Variants in ADGRE2 observed in about 807,000 individuals in gnomAD.
ADGRE2 encodes the protein CD97 antigen.
A neutral mutation model predicts 100.8 loss-of-function variants in ADGRE2; 83 were observed. The ratio of observed to expected loss-of-function variants is 0.82; its 90% CI spans 0.69 to 0.99. The LOEUF (loss-of-function observed/expected upper bound fraction) is 0.99, where lower values mean the gene tolerates loss of function less well. Ranked by LOEUF, ADGRE2 falls within the 50% of genes least tolerant of loss-of-function variation. The probability of loss-of-function intolerance (pLI) is 0.00; values close to 1 mark genes in which losing one functional copy is unlikely to be tolerated. For missense variants in ADGRE2, 814 were observed against 1,035.7 expected (o/e 0.79, Z 2.94); for synonymous variants, 355 against 413.0 (o/e 0.86, Z 1.70).
downstream of ADGRE2, among the ~76,000 whole-genome samples, chr19:14,729,484 G>A (rs975004287): frequency 6.6e-6 from 1 of 152,038 alleles, no homozygotes; most frequent in Non-Finnish European, 1.5e-5. Context: ...TCAGCCTCCA[G>A]AGTAGCTGGG....
Position 14,743,521 on chromosome 19 carries a change from G to A in ADGRE2, c.2362C>T (p.Gln788Ter), listed in dbSNP as rs1259560089. 6.2e-7 allele frequency: 1 copy of A among 1,614,064 alleles called. No individual in the cohort carries two copies. The highest frequency in any genetic ancestry group is 1.1e-5 in the South Asian group (1 of 91,078). The change falls in exon 20 of 21, where the codon CAA becomes TAA. Residue 788 changes from glutamine (Q) to a stop codon, truncating the protein, a stop_gained. Transcript: ENST00000315576. LOFTEE classifies it high-confidence loss of function. ...ATCCCTTTGGACCATTTCCCATATTGCTCCCGGACCTGCAGAGGCAAAGTG... is the reference window on the plus strand; with the variant it reads ...ATCCCTTTGGACCATTTCCCATATTACTCCCGGACCTGCAGAGGCAAAGTG... ...YCLLSQQVRE[Q>*]YGKWSKGIRK... is the part of the protein sequence containing the mutation.
Position 14,765,824 on chromosome 19 carries a change from G to C in ADGRE2, c.635-20C>G, listed in dbSNP as rs749290403. The C allele has an allele frequency of 4.3e-6, 7 of 1,612,300 alleles. No homozygotes were observed. The African/African-American group carries it at 9.3e-5, about 22-fold the overall frequency. On this transcript the variant is annotated intron_variant, in intron 7 of 20. Coordinates refer to ENST00000315576, the MANE Select transcript of ADGRE2 (RefSeq NM_013447.4). ...CCACATCTGAGGACAGGAAGAAGGG[G>C]GTCAGGTCCTGTCCCAGCCTGGAGA...
chr19:14,761,262 C>T (rs1374384465), intron 11 of ADGRE2, among the ~76,000 whole-genome samples: 7 of 152,068 alleles, frequency 4.6e-5, no homozygotes, highest in Non-Finnish European at 8.8e-5. Context: ...AATAATTAGC[C>T]GGGCGTGGTG....
At chr19:14,743,882 A>G (rs1176717009) in intron 18 of ADGRE2, 98 bp from the exon 19 acceptor site, 34 of 1,090,082 alleles carry the variant, frequency 3.1e-5, no homozygotes, top group Non-Finnish European at 4.2e-5. Context: ...TCCCCTGTAG[A>G]TGATTTCTCA....
Position 14,764,532 on chromosome 19 carries a change from C to T in ADGRE2, c.985G>A (p.Val329Met). The T allele has an allele frequency of 6.2e-7, 1 of 1,613,078 alleles. No homozygotes were observed. The highest frequency in any genetic ancestry group is 2.2e-5 in the East Asian group (1 of 44,872). Residue 329 changes from valine to methionine, a missense_variant, in exon 11 of 21, where the codon GTG becomes ATG. Physicochemically the swap from Val to Met is conservative, Grantham distance 21. Transcript: ENST00000315576. ...AGGCCATCCAGCAGGTGACTGGCCACACAGTGCTGCTGTAAGCGGGGCAGG... is the reference window on the plus strand; with the variant it reads ...AGGCCATCCAGCAGGTGACTGGCCATACAGTGCTGCTGTAAGCGGGGCAGG... ...ETLPRLQQHC[V>M]ASHLLDGLED...
chr19:14,746,375 C>CTT (rs34368264), intron 17 of ADGRE2, 52 bp from the exon 18 acceptor site: 153,973 of 753,312 alleles, frequency 0.2, 10,236 homozygotes, highest in East Asian at 0.3. Flanking sequence ...CCTGTTATCT[C>CTT]TTTTTTTTTT....
intron 5 of ADGRE2, among the ~76,000 whole-genome samples, chr19:14,769,738 G>A (rs1185294365): frequency 4.6e-5 from 7 of 151,754 alleles, no homozygotes; most frequent in Non-Finnish European, 1.0e-4. Flanking sequence ...TCGCTCTGTC[G>A]TCCAGGCTGG....
intron 5 of ADGRE2, among the ~76,000 whole-genome samples, chr19:14,770,491 C>A (rs779282561): frequency 6.6e-6 from 1 of 152,036 alleles, no homozygotes; most frequent in Non-Finnish European, 1.5e-5. Context: ...AACAGAGGCT[C>A]TCACTGACAA....
intron 14 of ADGRE2, among the ~76,000 whole-genome samples, chr19:14,753,300 A>G (rs2043363023): frequency 6.6e-6 from 1 of 151,950 alleles, no homozygotes; most frequent in Non-Finnish European, 1.5e-5. Flanking sequence ...GGGGGGAGCT[A>G]GCTTCGTGCC....
In ADGRE2 at chr19:14,772,378, T is replaced by C. The variant is rs1182717641; in HGVS notation, c.319A>G (p.Lys107Glu). 2 of 1,614,004 alleles carry C rather than the reference T, an allele frequency of 1.2e-6. No individual in the cohort carries two copies. Among genetic ancestry groups the C allele is most frequent in the Admixed American group, 3.3e-5 (2 of 59,976 alleles). ...TTCTCGCTCTCATTCTTGAATGTTT[T>C]TGCCCCAGAAACAGGCTCATATCCT... ...SPGYEPVSGA[K>E]TFKNESENTC... The change falls in exon 5 of 21, where the codon AAA (lysine) becomes GAA (glutamate). Residue 107 changes from lysine (K) to glutamate (E), a missense_variant. By Grantham distance (56) the Lys-to-Glu change is moderately conservative (BLOSUM62 1). This residue lies in a region of ADGRE2 where 143 missense variants were observed against 160.3 expected (regional missense o/e 0.89). Coordinates refer to ENST00000315576, the MANE Select transcript of ADGRE2 (RefSeq NM_013447.4).
intron 18 of ADGRE2, among the ~76,000 whole-genome samples, chr19:14,745,443 A>G (rs1198506347): frequency 1.3e-5 from 2 of 152,046 alleles, no homozygotes; most frequent in Admixed American, 6.6e-5. Context: ...CTATTTTGAA[A>G]TATACAACAT....
At chr19:14,743,853 C>A in intron 18 of ADGRE2, 69 bp from the exon 19 acceptor site, 2 of 1,412,160 alleles carry the variant, frequency 1.4e-6, no homozygotes, top group South Asian at 1.2e-5. Flanking sequence ...TTCATCTGTG[C>A]CCATGGAGTC....
At chr19:14,744,035 T>C (rs10221542) in intron 18 of ADGRE2, among the ~76,000 whole-genome samples, 14,807 of 151,662 alleles carry the variant, frequency 0.098, 2,466 homozygotes, top group African/African-American at 0.34. Context: ...AGGTCAGGAG[T>C]TCGAGACCAG....
chr19:14,755,919 T>C (rs1243624791), intron 12 of ADGRE2, 42 bp from the exon 13 acceptor site: 1 of 1,551,292 alleles, frequency 6.4e-7, no homozygotes. Context: ...GTAGGTTGAA[T>C]CTCTGGGTCC....
chr19:14,746,197 T>C (rs746800279), intron 18 of ADGRE2, 35 bp downstream of exon 18: 3 of 1,265,116 alleles, frequency 2.4e-6, no homozygotes, highest in Admixed American at 1.7e-5. Flanking sequence ...GAACCATACA[T>C]GTCTGTGTGG....
chr19:14,767,600 T>C (rs1381303287), intron 5 of ADGRE2, among the ~76,000 whole-genome samples: 2 of 152,126 alleles, frequency 1.3e-5, no homozygotes, highest in Non-Finnish European at 2.9e-5. Flanking sequence ...GCCCAGGCCT[T>C]CTGTTGTTCA....
chr19:14,763,739 CATT>C (rs2043824327), intron 11 of ADGRE2, among the ~76,000 whole-genome samples: 1 of 25,818 alleles, frequency 3.9e-5, no homozygotes, highest in Non-Finnish European at 8.1e-5. Flanking sequence ...TCTCCTCCTC[CATT>C]CCTCCTCCTT....
chr19:14,767,839 C>A (rs111925654), intron 5 of ADGRE2, among the ~76,000 whole-genome samples: 2,956 of 152,296 alleles, frequency 0.019, 89 homozygotes, highest in African/African-American at 0.067. Context: ...AAAAAGGCAT[C>A]TCCTCTTCAA....
downstream of ADGRE2, among the ~76,000 whole-genome samples, chr19:14,730,419 C>T (rs2042659853): frequency 1.3e-5 from 2 of 151,640 alleles, no homozygotes; most frequent in South Asian, 4.2e-4. Context: ...ATCCCACCAT[C>T]AGTCTGTCCT....
Sources: allele counts gnomAD v4.1 joint callset (sites outside exome capture counted in the v4.1 genomes callset), GRCh38; gene constraint gnomAD v4.1.1; regional missense constraint gnomAD v4.1.1; transcripts MANE v1.5; gene names NCBI Gene and HGNC (gene_info 2026-07-23, HGNC 2026-07-21).